The following FABP3 variants were observed in gnomAD, a reference collection of about 807,000 sequenced individuals.
FABP3 encodes fatty acid binding protein 3, also known as fatty acid-binding protein, heart.
In FABP3, 8 loss-of-function variants were observed where a neutral mutation model predicts 13.4. That is an observed-to-expected ratio of 0.60 (90% CI 0.35 to 1.07). The LOEUF is 1.07. Among genes scored for constraint, FABP3 ranks in the 50% least tolerant of loss-of-function variants. FABP3 has a pLI of 0.02. For synonymous variants in FABP3, 64 were observed against 60.0 expected (o/e 1.07, Z -0.31); for missense variants, 135 against 164.7 (o/e 0.82, Z 0.99).
chr1:31,366,064 G>GTA (rs1305244099), intron 3 of FABP3, 125 bp from the exon 4 acceptor site: 285 of 20,578 alleles, frequency 0.014, no homozygotes, highest in Non-Finnish European at 0.034. Flanking sequence ...ATGTATGTAT[G>GTA]TGTGTGTGTG....
intron 2 of FABP3, 27 bp from the exon 3 acceptor site, chr1:31,367,521 CTGTG>C: frequency 6.3e-7 from 1 of 1,589,708 alleles, no homozygotes; most frequent in Non-Finnish European, 8.6e-7. Flanking sequence ...GAGGCCTGAG[CTGTG>C]ATCTTAGTCA....
intron 1 of FABP3, among the ~76,000 whole-genome samples, chr1:31,370,857 A>C (rs542479087): frequency 1.3e-5 from 2 of 152,208 alleles, no homozygotes; most frequent in African/African-American, 4.8e-5. Context: ...AAAGTCTCCA[A>C]ATGTACCTGG....
chr1:31,362,773 G>C (rs982465564), downstream of FABP3, among the ~76,000 whole-genome samples: 1 of 152,156 alleles, frequency 6.6e-6, no homozygotes, highest in Non-Finnish European at 1.5e-5. Context: ...ACTGTTTCTA[G>C]ATAGACTGGC....
chr1:31,372,855 G>T, intron 1 of FABP3, 87 bp downstream of exon 1: 3 of 1,300,034 alleles, frequency 2.3e-6, no homozygotes, highest in Non-Finnish European at 3.3e-6. Context: ...TCTTAACCAG[G>T]AGGGATGCGG....
downstream of FABP3, chr1:31,364,166 G>A (rs143685465): frequency 4.5e-5 from 72 of 1,613,574 alleles, no homozygotes; most frequent in African/African-American, 7.7e-4. Context: ...AAAAGAAGAA[G>A]AAGCACAAGA....
chr1:31,363,114 A>T (rs1482892723), downstream of FABP3, among the ~76,000 whole-genome samples: 1 of 152,066 alleles, frequency 6.6e-6, no homozygotes, highest in Non-Finnish European at 1.5e-5. Context: ...TCTTTTACTT[A>T]ACATGTTTTA....
chr1:31,366,111 AT>A (rs199923041), intron 3 of FABP3, among the ~76,000 whole-genome samples, 172 bp from the exon 4 acceptor site: 157 of 143,456 alleles, frequency 1.1e-3, no homozygotes, highest in Admixed American at 2.9e-3. Flanking sequence ...TACATACATA[AT>A]TTTTTTTTTC....
chr1:31,369,139 G>A (rs901544000), intron 2 of FABP3: 16 of 496,426 alleles, frequency 3.2e-5, no homozygotes, highest in Non-Finnish European at 4.3e-5. Flanking sequence ...GCTCTGTGCT[G>A]CCCATTCCGA....
At chr1:31,364,780 C>T (rs1233709910), downstream of FABP3, 1 of 152,998 alleles carries the variant, frequency 6.5e-6, no homozygotes, top group Non-Finnish European at 1.5e-5. Context: ...TGCAGTGTGA[C>T]TTAACTTGTG....
intron 1 of FABP3, among the ~76,000 whole-genome samples, chr1:31,371,530 A>G (rs1290545555): frequency 1.3e-5 from 2 of 152,184 alleles, no homozygotes; most frequent in Non-Finnish European, 1.5e-5. Flanking sequence ...CATTCCTACG[A>G]TGAGAATGCT....
At chr1:31,366,278 T>C (rs1425782652) in intron 3 of FABP3, among the ~76,000 whole-genome samples, 2 of 152,140 alleles carry the variant, frequency 1.3e-5, no homozygotes, top group African/African-American at 4.8e-5. Context: ...GTGTCTAAGA[T>C]GGTGCCTGGC....
intron 1 of FABP3, among the ~76,000 whole-genome samples, chr1:31,371,279 A>G (rs1403197143): frequency 2.0e-5 from 3 of 151,822 alleles, no homozygotes; most frequent in Non-Finnish European, 4.4e-5. Flanking sequence ...GGCCAATCAC[A>G]CTCCCTTGCA....
downstream of FABP3, among the ~76,000 whole-genome samples, chr1:31,363,184 T>G (rs1203531527): frequency 6.9e-6 from 1 of 144,814 alleles, no homozygotes; most frequent in Non-Finnish European, 1.5e-5. Context: ...GTCTTATACT[T>G]TTTTTTTTTT....
Position 31,365,733 on chromosome 1 carries a change from C to T in FABP3, c.*153G>A. 1.5e-6 allele frequency: 1 copy of T among 669,496 alleles called. No individual in the cohort carries two copies. The highest frequency in any genetic ancestry group is 2.6e-6 in the Non-Finnish European group (1 of 380,310). 41.5% of individuals were successfully genotyped at this position (669,496 alleles called of 1,614,324 possible). On this transcript the variant is annotated 3_prime_UTR_variant, in exon 4 of 4. Coordinates refer to ENST00000373713, the MANE Select transcript of FABP3 (RefSeq NM_004102.5). ...AAAAAAAAAAAAAAACCACATACAC[C>T]ATGGGAACTGGAACTGGATCCCGGT...
chr1:31,362,514 C>T (rs1639946898), downstream of FABP3, among the ~76,000 whole-genome samples: 1 of 152,060 alleles, frequency 6.6e-6, no homozygotes, highest in Non-Finnish European at 1.5e-5. Flanking sequence ...TGGGTTTGTA[C>T]TGTTACTTTG....
intron 3 of FABP3, 146 bp from the exon 4 acceptor site, chr1:31,366,085 T>A (rs1441358236): frequency 6.3e-6 from 4 of 630,116 alleles, no homozygotes; most frequent in Non-Finnish European, 1.1e-5. Context: ...TGTGTGTGTG[T>A]GTGTGTGTGT....
chr1:31,364,032 G>A (rs576307561), downstream of FABP3: 2 of 1,606,370 alleles, frequency 1.2e-6, no homozygotes, highest in East Asian at 2.2e-5. Context: ...TTCTTTTCAG[G>A]AGAAGAAGAA....
intron 1 of FABP3, among the ~76,000 whole-genome samples, chr1:31,371,246 C>T (rs982144453): frequency 6.6e-6 from 1 of 152,188 alleles, no homozygotes; most frequent in African/African-American, 2.4e-5. Flanking sequence ...CTTGGCATTG[C>T]CCCTTGGTAT....
chr1:31,369,148 G>A (rs770831920), intron 2 of FABP3: 5 of 509,638 alleles, frequency 9.8e-6, no homozygotes, highest in Admixed American at 3.3e-5. Flanking sequence ...TGCCCATTCC[G>A]AGGCAGACAA....
Sources: allele counts gnomAD v4.1 joint callset (sites outside exome capture counted in the v4.1 genomes callset), GRCh38; gene constraint gnomAD v4.1.1; transcripts MANE v1.5; gene names NCBI Gene and HGNC (gene_info 2026-07-23, HGNC 2026-07-21).